Variants in TNRC18 observed in about 807,000 individuals in gnomAD.
TNRC18 encodes the protein trinucleotide repeat-containing gene 18 protein.
A neutral mutation model predicts 226.7 loss-of-function variants in TNRC18; 69 were observed. The observed-to-expected ratio is 0.30, with a 90% CI of 0.25 to 0.37. The LOEUF (loss-of-function observed/expected upper bound fraction) is 0.37. Ranked by LOEUF, TNRC18 falls within the 10% of genes least tolerant of loss-of-function variation. The pLI, the probability that TNRC18 is intolerant of heterozygous loss-of-function variation, is 1.00. For missense variants in TNRC18, 4,754 were observed against 4,256.6 expected, an observed-to-expected ratio of 1.12 and a Z score of -3.25; for synonymous variants, 2,449 against 1,927.6, an observed-to-expected ratio of 1.27 and a Z score of -7.09.
rs772416393 is a variant in TNRC18 at position 5,356,917 on chromosome 7, G to C, written c.5193C>G (p.Tyr1731Ter). ...PFASEVSSYS[Y>*]NTDSEEDEEF... ...GGTGGCGCGGCATACGCTACTTACT[G>C]TAAGAGTAGCTGCTCACTTCCGAGG... Residue 1731 changes from tyrosine (Y) to a stop codon, truncating the protein, a stop_gained and splice_region_variant, in exon 16 of 30, where the codon TAC (tyrosine) becomes TAG (stop). Transcript: ENST00000430969. LOFTEE classifies it high-confidence loss of function. The C allele has an allele frequency of 6.5e-7, 1 of 1,541,836 alleles. No individual in the cohort carries two copies. The highest frequency in any genetic ancestry group is 2.0e-5 in the Admixed American group (1 of 49,604).
chr7:5,377,317 C>CCCCGTGGCCCCCCCA lies in TNRC18; in HGVS notation c.2461+53_2461+54insTGGGGGGGCCACGGG. ...GCCCTGAGCTCTTGTCCTGCACCCG[C>CCCCGTGGCCCCCCCA]CCCCTCCCACCCCTCCCTCAGAGAA... On this transcript the variant is annotated intron_variant, in intron 7 of 29. Transcript: ENST00000430969. The surrounding 1 kb of genome is among the most constrained non-coding windows in gnomAD (Gnocchi z 5.8). The CCCCGTGGCCCCCCCA allele has an allele frequency of 1.0e-6, 1 of 997,234 alleles. No homozygotes were observed. Among genetic ancestry groups the CCCCGTGGCCCCCCCA allele is most frequent in the Non-Finnish European group, 1.5e-6 (1 of 676,690 alleles). 61.8% of individuals were successfully genotyped at this position (997,234 alleles called of 1,614,324 possible). A position where few individuals can be genotyped will look rare whatever the true frequency, so the allele number is the denominator to read the frequency against.
chr7:5,312,186 T>C lies in TNRC18; in HGVS notation c.8388+317A>G, dbSNP rs1224388477. ...AGAGGCCTGGAAAGCCCCTTCCACG[T>C]GGCGCCGACGCCTGTGGGTCTGTGC... On this transcript the variant is annotated intron_variant, in intron 27 of 29. Transcript: ENST00000430969. This position sits in a 1 kb window ranked among gnomAD's most constrained non-coding sequence, Gnocchi z 6.3. Among the ~76,000 whole-genome samples the C allele has an allele frequency of 6.6e-6, 1 of 152,130 alleles. No individual in the cohort carries two copies. Among genetic ancestry groups the C allele is most frequent in the Non-Finnish European group, 1.5e-5 (1 of 68,006 alleles).
Position 5,388,595 on chromosome 7 carries a change from A to G in TNRC18, c.1229T>C (p.Leu410Pro), listed in dbSNP as rs1780007606. Reference protein sequence around the residue: ...REREAGRPGVLQAPPGSPRPL... With the variant: ...REREAGRPGVPQAPPGSPRPL... Reference sequence around the variant, plus strand: ...CCGCGGGGAGCCGGGGGGCGCCTGCAGGACCCCTGGCCTGCCAGCCTCGCG... The same window carrying G: ...CCGCGGGGAGCCGGGGGGCGCCTGCGGGACCCCTGGCCTGCCAGCCTCGCG... The change falls in exon 5 of 30, where the codon CTG (leucine) becomes CCG (proline). Residue 410 changes from leucine (L) to proline (P), a missense_variant. Leu to Pro is a moderately conservative substitution (Grantham distance 98). Transcript: ENST00000430969. The G allele has an allele frequency of 7.7e-7, 1 of 1,298,940 alleles. No individual in the cohort carries two copies. Among genetic ancestry groups the G allele is most frequent in the Admixed American group, 4.3e-5 (1 of 23,180 alleles). 80.5% of individuals were successfully genotyped at this position (1,298,940 alleles called of 1,614,324 possible). A position where few individuals can be genotyped will look rare whatever the true frequency, so the allele number is the denominator to read the frequency against.
chr7:5,321,536 G>A (rs991008245), intron 21 of TNRC18, among the ~76,000 whole-genome samples: 82 of 152,246 alleles, frequency 5.4e-4, no homozygotes, highest in African/African-American at 1.8e-3. Context: ...TCTGGGCCTG[G>A]CATGAAGCTC....
intron 2 of TNRC18, among the ~76,000 whole-genome samples, chr7:5,408,466 G>T (rs932805836): frequency 6.6e-6 from 1 of 151,942 alleles, no homozygotes. Flanking sequence ...GGGCCAACAT[G>T]ATGAAACCCT....
At chr7:5,343,425 T>C (rs1790869901) in intron 18 of TNRC18, among the ~76,000 whole-genome samples, 3 of 152,126 alleles carry the variant, frequency 2.0e-5, no homozygotes. Flanking sequence ...TGCTTTTGGT[T>C]TGGTCTTTTA....
At chr7:5,353,554 C>G (rs1240831598) in intron 16 of TNRC18, among the ~76,000 whole-genome samples, 1 of 112,320 alleles carries the variant, frequency 8.9e-6, no homozygotes, top group Admixed American at 9.3e-5. Context: ...AGCAAGACAT[C>G]ATCTAAAGAA....
At chr7:5,365,359 C>T (rs1294791653) in intron 11 of TNRC18, among the ~76,000 whole-genome samples, 3 of 152,028 alleles carry the variant, frequency 2.0e-5, no homozygotes, top group Non-Finnish European at 2.9e-5. Context: ...GTGATCCTCC[C>T]GCCTCAGCCT....
intron 18 of TNRC18, among the ~76,000 whole-genome samples, chr7:5,343,072 G>A (rs1363055871): frequency 6.6e-6 from 1 of 152,116 alleles, no homozygotes; most frequent in Non-Finnish European, 1.5e-5. Flanking sequence ...ATGCTATTAC[G>A]TCCAGGCGCG....
chr7:5,419,368 G>C (rs186724111), intron 2 of TNRC18, among the ~76,000 whole-genome samples: 3 of 152,318 alleles, frequency 2.0e-5, no homozygotes, highest in Admixed American at 1.3e-4. Flanking sequence ...CGCAGGCCCA[G>C]CCAGCCAGAG....
At position 5,321,168 on chromosome 7, in the gene TNRC18, G is replaced by A. The variant is rs1432690504; in HGVS notation, c.6465C>T (p.Asp2155=). 6.4e-7 allele frequency: 1 copy of A among 1,551,734 alleles called. No homozygotes were observed. The highest frequency in any genetic ancestry group is 8.7e-7 in the Non-Finnish European group (1 of 1,148,398). The change falls in exon 22 of 30, where the codon GAC becomes GAT. Residue 2155 remains aspartate (D), a synonymous_variant. Coordinates refer to ENST00000430969, the MANE Select transcript of TNRC18 (RefSeq NM_001080495.3). ...GCAGGCCGTCCTTCAGCTCATCCTT[G>A]TCGATGATGCAGGAGCGAGGGGCTG... is the stretch of plus-strand genomic sequence containing the variant. The part of the protein sequence containing the change: ...LTPAPRSCII[D]KDELKDGLRV...
chr7:5,401,061 A>G (rs1781050681), intron 2 of TNRC18, among the ~76,000 whole-genome samples: 1 of 151,840 alleles, frequency 6.6e-6, no homozygotes, highest in African/African-American at 2.4e-5. Flanking sequence ...ATTAAAACTA[A>G]GGCCAGGTGC....
At chr7:5,354,397 C>T (rs2128150456) in intron 16 of TNRC18, among the ~76,000 whole-genome samples, 1 of 152,172 alleles carries the variant, frequency 6.6e-6, no homozygotes, top group East Asian at 1.9e-4. Flanking sequence ...CAAACTGCAT[C>T]CACAGACCCC....
In TNRC18 at chr7:5,387,896, G is replaced by C; in HGVS notation, c.1928C>G (p.Pro643Arg). 1 of 1,591,598 alleles carries C rather than the reference G, an allele frequency of 6.3e-7. No individual in the cohort carries two copies. Among genetic ancestry groups the C allele is most frequent in the Non-Finnish European group, 8.5e-7 (1 of 1,170,740 alleles). ...CAGCTGCCGGCCGCCGCCCGCTGCAGGGCCTCCGGAGTGTGGGAGACGGGC... is the reference window on the plus strand; with the variant it reads ...CAGCTGCCGGCCGCCGCCCGCTGCACGGCCTCCGGAGTGTGGGAGACGGGC... Reference protein sequence around the residue: ...AQARLPHSGGPAAGGGRQLKR... With the variant: ...AQARLPHSGGRAAGGGRQLKR... Residue 643 changes from proline to arginine, a missense_variant, in exon 5 of 30, where the codon CCT (proline) becomes CGT (arginine). Physicochemically the swap from Pro to Arg is moderately radical, Grantham distance 103 (BLOSUM62 -2). Coordinates refer to ENST00000430969, the MANE Select transcript of TNRC18 (RefSeq NM_001080495.3).
intron 24 of TNRC18, 140 bp downstream of exon 24, chr7:5,320,178 G>A: frequency 1.5e-6 from 1 of 665,658 alleles, no homozygotes. Flanking sequence ...ATCCAATCAT[G>A]CCTGAAGGCC....
rs117910193 is a variant in TNRC18, at chr7:5,361,781, G to A, written c.4533-59C>T. 0.098 allele frequency: 151,598 copies of A among 1,540,878 alleles called. 8,104 individuals carry two copies. Among genetic ancestry groups the A allele is most frequent in the South Asian group, 0.12 (10,149 of 83,632 alleles). ...GGGGGGCGGGCGGGGCGCGGAGAACGGGCACACGATGCACACACGGCGCCG... is the reference window on the plus strand; with the variant it reads ...GGGGGGCGGGCGGGGCGCGGAGAACAGGCACACGATGCACACACGGCGCCG... On this transcript the variant is annotated intron_variant, in intron 13 of 29. Coordinates refer to ENST00000430969, the MANE Select transcript of TNRC18 (RefSeq NM_001080495.3).
chr7:5,365,747 C>A (rs1189274610), intron 11 of TNRC18, among the ~76,000 whole-genome samples: 4 of 152,018 alleles, frequency 2.6e-5, no homozygotes, highest in African/African-American at 9.7e-5. Context: ...AGCCACCATG[C>A]CCGGCTGACA....
Position 5,308,957 on chromosome 7 carries a change from G to A in TNRC18, c.8626-8C>T, listed in dbSNP as rs759581761. 6.3e-7 allele frequency: 1 copy of A among 1,598,880 alleles called. No homozygotes were observed. Among genetic ancestry groups the A allele is most frequent in the East Asian group, 2.3e-5 (1 of 44,294 alleles). On this transcript the variant is annotated splice_polypyrimidine_tract_variant and splice_region_variant and intron_variant, in intron 28 of 29. Transcript: ENST00000430969. ...GGACTTCTGGTCCCAGTGCTGTGTG[G>A]GGGAGAGAGGAGGGGCTTGGGTGAG...
At chr7:5,380,820 G>A (rs573723844) in intron 5 of TNRC18, among the ~76,000 whole-genome samples, 15 of 152,260 alleles carry the variant, frequency 9.9e-5, no homozygotes, top group African/African-American at 3.6e-4. Flanking sequence ...GAGAAATCGA[G>A]TCATGAGATC....
Sources: gnomAD v4.1 joint callset for allele counts (sites outside exome capture counted in the v4.1 genomes callset) on GRCh38, gnomAD v4.1.1 for gene constraint, Gnocchi (gnomAD v3.1) non-coding constraint, MANE v1.5 for transcripts, NCBI Gene and HGNC (gene_info 2026-07-23, HGNC 2026-07-21) for gene names.